The following USP50 variants were observed in gnomAD, a reference collection of about 807,000 sequenced individuals.
The protein encoded by USP50 is ubiquitin specific peptidase 50, also known as ubiquitin carboxyl-terminal hydrolase 50.
USP50 carries 37 observed loss-of-function variants against 39.2 expected under a neutral mutation model. That is an observed-to-expected ratio of 0.94 (90% CI 0.73 to 1.24). USP50 has a LOEUF of 1.24. Among genes scored for constraint, USP50 ranks in the 50% most tolerant of loss-of-function variants. The pLI, the probability that USP50 is intolerant of heterozygous loss-of-function variation, is 0.00. For synonymous variants in USP50, 139 were observed against 144.5 expected, an observed-to-expected ratio of 0.96 and a Z score of 0.27; for missense variants, 374 against 398.2, an observed-to-expected ratio of 0.94 and a Z score of 0.52.
intron 5 of USP50, among the ~76,000 whole-genome samples, chr15:50,537,066 C>T (rs1347107380): frequency 6.6e-6 from 1 of 151,826 alleles, no homozygotes; most frequent in African/African-American, 2.4e-5. Context: ...ATAATCAAGA[C>T]AATGTGGTAT....
At chr15:50,498,491 T>TTTAC, downstream of USP50, 1 of 1,383,882 alleles carries the variant, frequency 7.2e-7, no homozygotes, top group Non-Finnish European at 9.6e-7. Flanking sequence ...GTCTTTGTAT[T>TTTAC]TGAAATGGAT....
chr15:50,515,209 G>A (rs2052791839), intron 6 of USP50, among the ~76,000 whole-genome samples: 1 of 151,910 alleles, frequency 6.6e-6, no homozygotes, highest in South Asian at 2.1e-4. Flanking sequence ...AGAAAAGAGT[G>A]ACAAACTCAC....
At chr15:50,531,647 CTG>C (rs2052941513) in intron 5 of USP50, among the ~76,000 whole-genome samples, 1 of 152,250 alleles carries the variant, frequency 6.6e-6, no homozygotes, top group Admixed American at 6.5e-5. Flanking sequence ...GTTCATAGAA[CTG>C]TGCACCTAAA....
At chr15:50,503,600 G>A (rs1453766011) in intron 6 of USP50, 2 of 152,196 alleles carry the variant, frequency 1.3e-5, no homozygotes, top group Non-Finnish European at 2.9e-5. Flanking sequence ...TGGACTCATG[G>A]TACAGAGAAT....
At chr15:50,544,494 T>C (rs2053055933) in intron 2 of USP50, 93 bp downstream of exon 2, 1 of 1,233,272 alleles carries the variant, frequency 8.1e-7, no homozygotes, top group Admixed American at 2.5e-5. Context: ...TGTTTGTTTA[T>C]CTCTTAATAG....
chr15:50,525,402 GCCTCA>G (rs2052880148), intron 6 of USP50, among the ~76,000 whole-genome samples: 1 of 151,558 alleles, frequency 6.6e-6, no homozygotes, highest in South Asian at 2.1e-4. Flanking sequence ...AATTTCAAAT[GCCTCA>G]CCACAAAAAA....
At chr15:50,493,426 C>G, downstream of USP50, 1 of 519,006 alleles carries the variant, frequency 1.9e-6, no homozygotes, top group South Asian at 1.4e-5. Flanking sequence ...CCAGAAAAGT[C>G]AAATTAGGAA....
chr15:50,502,385 T>C (rs1406077311), intron 6 of USP50: 1 of 152,224 alleles, frequency 6.6e-6, no homozygotes, highest in Non-Finnish European at 1.5e-5. Context: ...TTATTTTTAT[T>C]TGAGACAGAG....
chr15:50,499,257 T>G, downstream of USP50: 1 of 508,398 alleles, frequency 2.0e-6, no homozygotes, highest in Non-Finnish European at 3.1e-6. Flanking sequence ...CAAATAACAT[T>G]TAACAAGTAT....
chr15:50,501,026 T>A, intron 6 of USP50, 189 bp from the exon 7 acceptor site: 1 of 550,524 alleles, frequency 1.8e-6, no homozygotes, highest in South Asian at 2.1e-5. Flanking sequence ...TGTAACTACT[T>A]ATATGTTGTG....
rs182632086 is a variant in USP50, at chr15:50,503,883, A to G, written c.937-3046T>C. 5 of 152,336 alleles carry G rather than the reference A, an allele frequency of 3.3e-5. No homozygotes were observed. The East Asian group carries it at 9.6e-4, about 29-fold the overall frequency. The allele number at this position is 152,336 out of a possible 1,614,324, so 9.4% of individuals were successfully genotyped here. Reference sequence around the variant, plus strand: ...AATTTATCATAAGAGTCAGAAGGCAATAAGATTTAAACCCCCAAGGACTTT... The same window carrying G: ...AATTTATCATAAGAGTCAGAAGGCAGTAAGATTTAAACCCCCAAGGACTTT... On this transcript the variant is annotated intron_variant, in intron 6 of 6. Transcript: ENST00000532404.
At chr15:50,528,125 T>C (rs1404935567) in intron 6 of USP50, among the ~76,000 whole-genome samples, 1 of 151,304 alleles carries the variant, frequency 6.6e-6, no homozygotes, top group Non-Finnish European at 1.5e-5. Context: ...GGCTGCTAGC[T>C]TGAACTCCGG....
rs767876341 is a variant in USP50, at chr15:50,546,569, C to T, written c.-44G>A. On this transcript the variant is annotated 5_prime_UTR_variant, in exon 1 of 7. An upstream start codon of the reference 5' UTR is lost. Transcript: ENST00000532404. ...GACTTTTGCTTCTATTCAGGAGCTA[C>T]ATCTATTCCTTTCAACTTCATTTCT... 17 of 1,602,236 alleles carry T rather than the reference C, an allele frequency of 1.1e-5. No individual in the cohort carries two copies. The highest frequency in any genetic ancestry group is 1.5e-5 in the Non-Finnish European group (17 of 1,169,550).
intron 6 of USP50, among the ~76,000 whole-genome samples, chr15:50,514,992 T>A (rs1262457768): frequency 2.5e-5 from 2 of 78,498 alleles, no homozygotes; most frequent in African/African-American, 4.4e-5. Context: ...AGAGACACAG[T>A]CTAAAAAAAA....
chr15:50,508,364 A>G (rs1296512424), intron 6 of USP50: 1 of 152,212 alleles, frequency 6.6e-6, no homozygotes, highest in African/African-American at 2.4e-5. Context: ...TTGATCATTT[A>G]TTTTATATTC....
At chr15:50,545,505 A>T (rs1026944576) in intron 1 of USP50, among the ~76,000 whole-genome samples, 2 of 151,438 alleles carry the variant, frequency 1.3e-5, no homozygotes, top group Admixed American at 1.3e-4. Context: ...TTGGATTTAC[A>T]TATATTAAGA....
At chr15:50,493,046 T>C, downstream of USP50, 1 of 953,486 alleles carries the variant, frequency 1.0e-6, no homozygotes, top group Non-Finnish European at 1.6e-6. Context: ...GAACAAAAAT[T>C]TATTTTCTCT....
chr15:50,543,389 A>G lies in USP50; in HGVS notation c.444+209T>C, dbSNP rs142653667. 8.4e-4 allele frequency among the ~76,000 whole-genome samples: 128 copies of G among 152,354 alleles called. 1 individual carries two copies. The highest frequency in any genetic ancestry group is 3.0e-3 in the African/African-American group (124 of 41,594). Reference sequence around the variant, plus strand: ...GTATTTGCCTTAAAATCTGTGTTGTAAAATCTTCCCAGATGATTCTGATGA... The same window carrying G: ...GTATTTGCCTTAAAATCTGTGTTGTGAAATCTTCCCAGATGATTCTGATGA... On this transcript the variant is annotated intron_variant, in intron 3 of 6. Transcript: ENST00000532404.
chr15:50,538,690 A>C lies in USP50; in HGVS notation c.803+19T>G. On this transcript the variant is annotated intron_variant, in intron 5 of 6. Coordinates refer to ENST00000532404, the MANE Select transcript of USP50 (RefSeq NM_203494.5). ...GGCTGTTCGAAAATATGTGCCCACA[A>C]AAATGTAAAAATCCATACCTTTTTA... The C allele has an allele frequency of 6.5e-7, 1 of 1,548,914 alleles. No homozygotes were observed. Among genetic ancestry groups the C allele is most frequent in the Middle Eastern group, 1.7e-4 (1 of 5,952 alleles).
Sources: allele counts gnomAD v4.1 joint callset (sites outside exome capture counted in the v4.1 genomes callset), GRCh38; gene constraint gnomAD v4.1.1; transcripts MANE v1.5; gene names NCBI Gene and HGNC (gene_info 2026-07-23, HGNC 2026-07-21).